Variants in CFAP54 observed in about 807,000 individuals in gnomAD.
The protein encoded by CFAP54 is cilia and flagella associated protein 54.
In CFAP54, 290 loss-of-function variants were observed where a neutral mutation model predicts 370.4. The ratio of observed to expected loss-of-function variants is 0.78; its 90% CI spans 0.71 to 0.86. CFAP54 has a LOEUF of 0.86. Among genes scored for constraint, CFAP54 ranks in the 40% least tolerant of loss-of-function variants. The probability of loss-of-function intolerance (pLI) is 0.00; values close to 1 mark genes in which losing one functional copy is unlikely to be tolerated. For missense variants in CFAP54, 3,399 were observed against 3,528.7 expected (o/e 0.96, Z 0.93); for synonymous variants, 1,206 against 1,236.5 (o/e 0.98, Z 0.52).
intron 60 of CFAP54, among the ~76,000 whole-genome samples, chr12:96,779,991 G>A (rs1958565675): frequency 6.6e-6 from 1 of 151,982 alleles, no homozygotes; most frequent in Non-Finnish European, 1.5e-5. Context: ...TAGTTTTTGG[G>A]GGTGAACTTT....
chr12:96,590,920 G>A (rs532374187), intron 23 of CFAP54, among the ~76,000 whole-genome samples: 16 of 152,142 alleles, frequency 1.1e-4, no homozygotes, highest in South Asian at 4.2e-4. Flanking sequence ...CAAGGCTAGA[G>A]ATACAGATTT....
intron 50 of CFAP54, among the ~76,000 whole-genome samples, chr12:96,729,394 C>T (rs1957887425): frequency 1.3e-5 from 2 of 152,248 alleles, no homozygotes; most frequent in Non-Finnish European, 2.9e-5. Context: ...GCGGGCGCCC[C>T]TCCCCCAGCC....
At chr12:96,847,562 T>C (rs932322285) in intron 66 of CFAP54, among the ~76,000 whole-genome samples, 1 of 152,230 alleles carries the variant, frequency 6.6e-6, no homozygotes, top group Non-Finnish European at 1.5e-5. Flanking sequence ...CAAATGTTTA[T>C]TTTTTATTGT....
chr12:96,691,400 G>T (rs1592710849), intron 44 of CFAP54, 90 bp downstream of exon 44: 3 of 886,342 alleles, frequency 3.4e-6, no homozygotes, highest in Non-Finnish European at 1.6e-6. Context: ...ATGTTCTTTT[G>T]GTCAGTTACT....
chr12:96,591,953 G>T (rs1956129955), intron 23 of CFAP54, among the ~76,000 whole-genome samples: 1 of 151,370 alleles, frequency 6.6e-6, no homozygotes, highest in African/African-American at 2.4e-5. Context: ...AGACATCAGG[G>T]ATAAATGGAA....
chr12:96,741,100 T>C (rs1958045932), intron 51 of CFAP54, among the ~76,000 whole-genome samples: 1 of 152,236 alleles, frequency 6.6e-6, no homozygotes, highest in Non-Finnish European at 1.5e-5. Context: ...CTAGACTCTT[T>C]GAGTACTTCT....
intron 27 of CFAP54, among the ~76,000 whole-genome samples, chr12:96,622,506 C>A (rs1956509471): frequency 6.6e-6 from 1 of 152,068 alleles, no homozygotes; most frequent in Admixed American, 6.6e-5. Flanking sequence ...TATGACACCA[C>A]ACCTGGCTAA....
chr12:96,613,017 A>C (rs1956376065), intron 26 of CFAP54, among the ~76,000 whole-genome samples: 2 of 152,190 alleles, frequency 1.3e-5, no homozygotes, highest in Non-Finnish European at 1.5e-5. Context: ...TGCACCAGGC[A>C]GACCTAATAG....
intron 61 of CFAP54, among the ~76,000 whole-genome samples, chr12:96,785,720 C>T (rs1029019418): frequency 3.3e-5 from 5 of 152,182 alleles, no homozygotes; most frequent in African/African-American, 1.2e-4. Context: ...TCTGAATTCA[C>T]CTGCTGGCAC....
At chr12:96,500,012 G>A (rs1955008381) in intron 1 of CFAP54, among the ~76,000 whole-genome samples, 1 of 151,458 alleles carries the variant, frequency 6.6e-6, no homozygotes, top group Non-Finnish European at 1.5e-5. Flanking sequence ...AGTATTTCTA[G>A]CAGCCTTATT....
intron 33 of CFAP54, chr12:96,646,447 A>G (rs947523206): frequency 5.3e-5 from 8 of 152,192 alleles, no homozygotes; most frequent in Non-Finnish European, 1.0e-4. Context: ...GTCAGGAAAC[A>G]AGAGGTGCTG....
intron 67 of CFAP54, among the ~76,000 whole-genome samples, chr12:96,862,961 T>C (rs1959914218): frequency 6.6e-6 from 1 of 152,204 alleles, no homozygotes; most frequent in Admixed American, 6.5e-5. Flanking sequence ...ACAGCATGAC[T>C]CATAACCAAG....
At chr12:96,659,258 C>G (rs559117057) in intron 38 of CFAP54, among the ~76,000 whole-genome samples, 1 of 152,236 alleles carries the variant, frequency 6.6e-6, no homozygotes, top group East Asian at 1.9e-4. Flanking sequence ...CTCAGCCTTC[C>G]GAGTAGCTGG....
intron 26 of CFAP54, among the ~76,000 whole-genome samples, chr12:96,603,637 G>A (rs1956267947): frequency 6.6e-6 from 1 of 152,184 alleles, no homozygotes. Context: ...CATATTTCTT[G>A]TAGGCTTTGT....
intron 42 of CFAP54, among the ~76,000 whole-genome samples, chr12:96,687,760 C>T (rs1957343958): frequency 6.6e-6 from 1 of 152,098 alleles, no homozygotes; most frequent in East Asian, 1.9e-4. Flanking sequence ...TTCTCTCTCT[C>T]AACAAAATCT....
In CFAP54 at chr12:96,829,801, G is replaced by A. The variant is rs79699842; in HGVS notation, c.9171+713G>A. ...TTCACAATGTTGTGCAACCGTCACC[G>A]CTGTCTATCACTGTCCAGAACTTTT... On this transcript the variant is annotated intron_variant, in intron 66 of 67. Transcript: ENST00000524981. Among the ~76,000 whole-genome samples, 1,454 of 152,032 alleles carry A rather than the reference G, an allele frequency of 9.6e-3. 53 individuals are homozygous for A. The East Asian group carries it at 0.099, about 10-fold the overall frequency.
chr12:96,522,619 G>A (rs1336601513), intron 8 of CFAP54, among the ~76,000 whole-genome samples: 1 of 152,170 alleles, frequency 6.6e-6, no homozygotes, highest in Non-Finnish European at 1.5e-5. Context: ...ATGTTCAGGA[G>A]CTAGGTTATC....
At chr12:96,780,397 T>G (rs1384447960) in intron 60 of CFAP54, among the ~76,000 whole-genome samples, 1 of 152,180 alleles carries the variant, frequency 6.6e-6, no homozygotes, top group Non-Finnish European at 1.5e-5. Flanking sequence ...TATGGATATA[T>G]ATTTAACCCA....
In CFAP54 at chr12:96,538,430, T is replaced by C. The variant is rs1051437093; in HGVS notation, c.1838T>C (p.Leu613Pro). The change falls in exon 13 of 68, where the codon CTA becomes CCA. Residue 613 changes from leucine (L) to proline (P), a missense_variant. This residue lies in a region of CFAP54 where 2,796 missense variants were observed against 2,869.7 expected (regional missense o/e 0.97). Transcript: ENST00000524981. ...KEIVVDTIMF[L>P]WQKCKLGIQR... ...ATTGTTGTGGACACGATAATGTTCC[T>C]ATGGCAGAAATGCAAATTAGGAATT... 2.6e-6 allele frequency: 4 copies of C among 1,535,876 alleles called. No individual in the cohort carries two copies. In the African/African-American group the frequency reaches 5.5e-5, roughly 21 times the overall value.
Sources: allele counts gnomAD v4.1 joint callset (sites outside exome capture counted in the v4.1 genomes callset), GRCh38; gene constraint gnomAD v4.1.1; regional missense constraint gnomAD v4.1.1; transcripts MANE v1.5; gene names NCBI Gene and HGNC (gene_info 2026-07-23, HGNC 2026-07-21).